Variants in PPP6R2 observed in about 807,000 individuals in gnomAD.
PPP6R2 encodes serine/threonine-protein phosphatase 6 regulatory subunit 2.
A neutral mutation model predicts 100.2 loss-of-function variants in PPP6R2; 62 were observed. The ratio of observed to expected loss-of-function variants is 0.62; its 90% CI spans 0.50 to 0.76. PPP6R2 has a LOEUF of 0.76. Ranked by LOEUF, PPP6R2 falls within the 30% of genes least tolerant of loss-of-function variation. The probability of loss-of-function intolerance (pLI) is 0.00; values close to 1 mark genes in which losing one functional copy is unlikely to be tolerated. For missense variants in PPP6R2, 1,142 were observed against 1,276.3 expected, an observed-to-expected ratio of 0.89 and a Z score of 1.60; for synonymous variants, 525 against 514.7, an observed-to-expected ratio of 1.02 and a Z score of -0.27.
intron 22 of PPP6R2, among the ~76,000 whole-genome samples, chr22:50,441,359 C>T (rs941447631): frequency 6.6e-6 from 1 of 152,212 alleles, no homozygotes; most frequent in Non-Finnish European, 1.5e-5. Context: ...TACCCCAGAT[C>T]CCAGTTGGAG....
At chr22:50,333,388 G>A in the PPP6R2 span, among the ~76,000 whole-genome samples, 1 of 150,464 alleles carries the variant, frequency 6.6e-6, no homozygotes, top group South Asian at 2.1e-4. Context: ...CCAGGCTAGA[G>A]TGCAGTGGCA....
At chr22:50,374,019 G>A (rs1001195548) in intron 2 of PPP6R2, among the ~76,000 whole-genome samples, 6 of 152,110 alleles carry the variant, frequency 3.9e-5, no homozygotes, top group African/African-American at 1.4e-4. Flanking sequence ...TTATAGGCGT[G>A]AGCCACCGCA....
rs2065221583 is a variant in PPP6R2 at position 50,440,010 on chromosome 22, C to T, written c.2335C>T (p.His779Tyr). 6.2e-7 allele frequency: 1 copy of T among 1,613,538 alleles called. No homozygotes were observed. The highest frequency in any genetic ancestry group is 8.5e-7 in the Non-Finnish European group (1 of 1,179,956). The change falls in exon 21 of 24, where the codon CAT (histidine) becomes TAT (tyrosine). Residue 779 changes from histidine (H) to tyrosine (Y), a missense_variant. This residue lies in a region of PPP6R2 where 550 missense variants were observed against 517.4 expected (regional missense o/e 1.06). Transcript: ENST00000612753. ...CTCTCCGGTGGACACAGAATGCAGC[C>T]ATGCTGAGGGCAGCCGGAGCCAAGG... Reference protein sequence around the residue: ...CSSPVDTECSHAEGSRSQGPE... With the variant: ...CSSPVDTECSYAEGSRSQGPE...
intron 19 of PPP6R2, 132 bp downstream of exon 19, chr22:50,438,894 CAGCTATTTCCCAGCCGTCCTGAGTAGG>C: frequency 1.0e-6 from 1 of 987,326 alleles, no homozygotes; most frequent in Non-Finnish European, 1.5e-6. Flanking sequence ...CCTGAATCCC[CAGCTATTTCCCAGCCGTCCTGAGTAGG>C]GGTCTGTGCT....
intron 10 of PPP6R2, among the ~76,000 whole-genome samples, chr22:50,425,601 C>T (rs1486847628): frequency 6.6e-6 from 1 of 152,196 alleles, no homozygotes; most frequent in East Asian, 1.9e-4. Flanking sequence ...AGTGGCTGCA[C>T]CATTTTATCT....
At chr22:50,356,675 G>A (rs1308951889) in intron 1 of PPP6R2, among the ~76,000 whole-genome samples, 1 of 152,072 alleles carries the variant, frequency 6.6e-6, no homozygotes, top group Non-Finnish European at 1.5e-5. Context: ...GCTCACGCCT[G>A]TAATATGCCA....
Position 50,414,585 on chromosome 22 carries a change from A to G in PPP6R2, c.448A>G (p.Ile150Val), listed in dbSNP as rs373176497. 7 of 1,613,922 alleles carry G rather than the reference A, an allele frequency of 4.3e-6. No homozygotes were observed. In the African/African-American group the frequency reaches 9.3e-5, roughly 22 times the overall value. ...GTTTTTGAAGAAGAAGGACAAGTTC[A>G]TCAGCCTGGTGTTGAAGCACATCGG... ...ITFLKKKDKF[I>V]SLVLKHIGTS... The change falls in exon 5 of 24, where the codon ATC (isoleucine) becomes GTC (valine). Residue 150 changes from isoleucine (I) to valine (V), a missense_variant. Ile to Val is a conservative substitution (Grantham distance 29). Around this residue, in one of 2 missense-constraint regions of PPP6R2, gnomAD observed 592 missense variants for 758.9 expected, o/e 0.78. Coordinates refer to ENST00000612753, the MANE Select transcript of PPP6R2 (RefSeq NM_001242898.2).
At position 50,377,737 on chromosome 22, in the gene PPP6R2, G is replaced by A. The variant is rs1183152126; in HGVS notation, c.-17+5587G>A. On this transcript the variant is annotated intron_variant, in intron 2 of 23. Transcript: ENST00000612753. ...AAGTCTACAGATTTAGGCCAGGCGC[G>A]GTGGCTGACGCCTGTAATCCCAGTA... Among the ~76,000 whole-genome samples the A allele has an allele frequency of 4.6e-5, 7 of 152,170 alleles. No homozygotes were observed. The East Asian group carries it at 7.7e-4, about 17-fold the overall frequency.
At chr22:50,425,495 C>T (rs1031223493) in intron 10 of PPP6R2, among the ~76,000 whole-genome samples, 2 of 152,210 alleles carry the variant, frequency 1.3e-5, no homozygotes, top group African/African-American at 4.8e-5. Context: ...ACTTTCAGTT[C>T]TTCTGAAAGT....
intron 5 of PPP6R2, 86 bp from the exon 6 acceptor site, chr22:50,416,006 G>A (rs1236963146): frequency 5.7e-6 from 7 of 1,230,242 alleles, no homozygotes; most frequent in Non-Finnish European, 8.4e-6. Flanking sequence ...TAGAAAACGG[G>A]TGCAGTGCTG....
chr22:50,331,210 A>C, the PPP6R2 span, among the ~76,000 whole-genome samples: 1 of 151,702 alleles, frequency 6.6e-6, no homozygotes, highest in South Asian at 2.1e-4. Context: ...TTACCATTTG[A>C]AGGACATTTG....
intron 2 of PPP6R2, among the ~76,000 whole-genome samples, chr22:50,390,226 A>G (rs2055181219): frequency 6.6e-6 from 1 of 152,066 alleles, no homozygotes; most frequent in Non-Finnish European, 1.5e-5. Context: ...TCCTGACCTC[A>G]GGTGATCCAC....
At chr22:50,434,320 T>TC (rs1569486254) in intron 12 of PPP6R2, among the ~76,000 whole-genome samples, 70 of 59,430 alleles carry the variant, frequency 1.2e-3, no homozygotes, top group African/African-American at 5.9e-3. Flanking sequence ...GCATTTGCTC[T>TC]GGAGGTGAAC....
rs142570195 is a variant in PPP6R2, at chr22:50,419,456, G to A, written c.839G>A (p.Arg280Gln). The change falls in exon 8 of 24, where the codon CGG becomes CAG. Residue 280 changes from arginine (R) to glutamine (Q), a missense_variant. Around this residue, in one of 2 missense-constraint regions of PPP6R2, gnomAD observed 592 missense variants for 758.9 expected, o/e 0.78. Coordinates refer to ENST00000612753, the MANE Select transcript of PPP6R2 (RefSeq NM_001242898.2). ...TTACTCACCTTGCTGGAAACCAGGC[G>A]GGTTGGGTGAGTCTCACGAGGAGAA... The part of the protein sequence containing the change: ...QVLLTLLETR[R>Q]VGTEGLVDSF... 2.6e-4 allele frequency: 423 copies of A among 1,613,504 alleles called. No individual in the cohort carries two copies. Among genetic ancestry groups the A allele is most frequent in the Non-Finnish European group, 3.3e-4 (387 of 1,179,492 alleles).
At chr22:50,362,167 A>G (rs570725015) in intron 1 of PPP6R2, among the ~76,000 whole-genome samples, 35 of 152,288 alleles carry the variant, frequency 2.3e-4, no homozygotes, top group Non-Finnish European at 3.8e-4. Context: ...AGCACTGGTG[A>G]TGAGGAAGGT....
At chr22:50,352,796 G>A (rs1214076619) in intron 1 of PPP6R2, among the ~76,000 whole-genome samples, 1 of 152,082 alleles carries the variant, frequency 6.6e-6, no homozygotes, top group Admixed American at 6.6e-5. Context: ...GCTAGGCACG[G>A]TTGCGCACAC....
chr22:50,367,877 G>A (rs771092278), intron 1 of PPP6R2, among the ~76,000 whole-genome samples: 13 of 152,222 alleles, frequency 8.5e-5, no homozygotes, highest in African/African-American at 2.4e-4. Context: ...ACGGAGACCC[G>A]TAGTGGCCCC....
chr22:50,358,774 A>G (rs2047126488), intron 1 of PPP6R2, among the ~76,000 whole-genome samples: 1 of 152,064 alleles, frequency 6.6e-6, no homozygotes, highest in Non-Finnish European at 1.5e-5. Flanking sequence ...TTTTCTCCAT[A>G]TGGATATGCA....
chr22:50,420,245 C>T (rs115812776), intron 8 of PPP6R2, among the ~76,000 whole-genome samples: 2,185 of 152,220 alleles, frequency 0.014, 43 homozygotes, highest in African/African-American at 0.049. Context: ...CCTGAGAGGC[C>T]GCATCTGGTC....
Sources: allele counts gnomAD v4.1 joint callset (sites outside exome capture counted in the v4.1 genomes callset), GRCh38; gene constraint gnomAD v4.1.1; regional missense constraint gnomAD v4.1.1; transcripts MANE v1.5; gene names NCBI Gene and HGNC (gene_info 2026-07-23, HGNC 2026-07-21).